The following FOXJ3 variants were observed in gnomAD, a reference collection of about 807,000 sequenced individuals.
FOXJ3 encodes forkhead box protein J3.
Under a neutral mutation model 76.1 loss-of-function variants are expected in FOXJ3, and 22 were observed. That is an observed-to-expected ratio of 0.29 (90% CI 0.21 to 0.41). The LOEUF (loss-of-function observed/expected upper bound fraction) is 0.41. Among genes scored for constraint, FOXJ3 ranks in the 10% least tolerant of loss-of-function variants. FOXJ3 has a pLI of 1.00. For missense variants in FOXJ3, 613 were observed against 762.1 expected (o/e 0.80, Z 2.30); for synonymous variants, 269 against 261.2 (o/e 1.03, Z -0.29).
intron 2 of FOXJ3, among the ~76,000 whole-genome samples, chr1:42,288,894 T>G (rs966308922): frequency 1.3e-5 from 2 of 152,188 alleles, no homozygotes; most frequent in African/African-American, 4.8e-5. Context: ...ATACAGTTAC[T>G]TTACATAAAA....
At chr1:42,241,008 A>C (rs1446833919) in intron 4 of FOXJ3, among the ~76,000 whole-genome samples, 1 of 152,220 alleles carries the variant, frequency 6.6e-6, no homozygotes, top group African/African-American at 2.4e-5. Flanking sequence ...AATTTAACAA[A>C]GAAGTAACAG....
chr1:42,230,960 G>C (rs1648040352), intron 4 of FOXJ3, among the ~76,000 whole-genome samples: 1 of 152,092 alleles, frequency 6.6e-6, no homozygotes, highest in Non-Finnish European at 1.5e-5. Flanking sequence ...TGCATTGAAG[G>C]ATAAATGGAT....
At chr1:42,195,251 G>A (rs1053999921) in intron 7 of FOXJ3, among the ~76,000 whole-genome samples, 187 bp from the exon 8 acceptor site, 1 of 152,154 alleles carries the variant, frequency 6.6e-6, no homozygotes, top group Non-Finnish European at 1.5e-5. Context: ...ACTGAATCTT[G>A]AAGAACTGTA....
rs150400569 is a variant in FOXJ3 at position 42,220,213 on chromosome 1, C to T, written c.528+7670G>A. On this transcript the variant is annotated intron_variant, in intron 5 of 12. Coordinates refer to ENST00000361346, the MANE Select transcript of FOXJ3 (RefSeq NM_014947.5). ...TTTAACTCTGAATATGGAACTTAGG[C>T]ACACTAAGCAGTGACCAGGAAGAGA... Among the ~76,000 whole-genome samples, 494 of 152,234 alleles carry T rather than the reference C, an allele frequency of 3.2e-3. 4 individuals are homozygous for T. Among genetic ancestry groups the T allele is most frequent in the African/African-American group, 0.011 (468 of 41,532 alleles).
At chr1:42,193,163 G>A (rs77542733) in intron 8 of FOXJ3, among the ~76,000 whole-genome samples, 1 of 148,000 alleles carries the variant, frequency 6.8e-6, no homozygotes, top group African/African-American at 2.5e-5. Flanking sequence ...TTTTTTTTTT[G>A]AAGCTGGGGA....
intron 2 of FOXJ3, among the ~76,000 whole-genome samples, chr1:42,291,071 T>TAGACAGACAGAC (rs1393418289): frequency 0.032 from 2,804 of 87,112 alleles, 56 homozygotes; most frequent in Middle Eastern, 0.078. Context: ...GATAGATAGA[T>TAGACAGACAGAC]AGATAGATAG....
chr1:42,294,468 T>C (rs1019802009), intron 2 of FOXJ3, among the ~76,000 whole-genome samples: 4 of 152,102 alleles, frequency 2.6e-5, no homozygotes, highest in Non-Finnish European at 5.9e-5. Flanking sequence ...AAAGAAGCCA[T>C]GAACTTGAGG....
At chr1:42,204,260 T>C (rs1187067360) in intron 6 of FOXJ3, among the ~76,000 whole-genome samples, 1 of 152,132 alleles carries the variant, frequency 6.6e-6, no homozygotes, top group East Asian at 1.9e-4. Flanking sequence ...TAGTTTCCAA[T>C]ACCTCCCTCT....
chr1:42,321,683 G>A lies in FOXJ3; in HGVS notation c.-17-10573C>T, dbSNP rs74857596. Among the ~76,000 whole-genome samples, 284 of 152,244 alleles carry A rather than the reference G, an allele frequency of 1.9e-3. 1 individual carries two copies. The highest frequency in any genetic ancestry group is 0.018 in the East Asian group (95 of 5,188). On this transcript the variant is annotated intron_variant, in intron 1 of 12. Transcript: ENST00000361346. Reference sequence around the variant, plus strand: ...AATGAAAATTCTACATAACATAAACGTGGGTTTTTTAAATAAAGTAAATAA... The same window carrying A: ...AATGAAAATTCTACATAACATAAACATGGGTTTTTTAAATAAAGTAAATAA...
intron 2 of FOXJ3, among the ~76,000 whole-genome samples, chr1:42,288,564 C>T (rs1296327062): frequency 2.0e-5 from 3 of 152,172 alleles, no homozygotes; most frequent in African/African-American, 4.8e-5. Flanking sequence ...GTATGATGTA[C>T]AGAAAATGCT....
chr1:42,215,920 G>T (rs963982987), intron 5 of FOXJ3, among the ~76,000 whole-genome samples: 1 of 152,176 alleles, frequency 6.6e-6, no homozygotes, highest in Non-Finnish European at 1.5e-5. Flanking sequence ...GGGAGGTTGA[G>T]ATGGGAGGAT....
chr1:42,267,882 A>C (rs1355457601), intron 3 of FOXJ3, among the ~76,000 whole-genome samples: 1 of 152,136 alleles, frequency 6.6e-6, no homozygotes, highest in African/African-American at 2.4e-5. Flanking sequence ...AACTAGGGAA[A>C]GGCTCAGAGA....
intron 6 of FOXJ3, among the ~76,000 whole-genome samples, chr1:42,205,429 A>G (rs994521587): frequency 1.3e-5 from 2 of 152,128 alleles, no homozygotes; most frequent in Non-Finnish European, 2.9e-5. Context: ...TTTCAACCAC[A>G]TATCTGGAGA....
chr1:42,213,247 A>G (rs1647001936), intron 5 of FOXJ3, among the ~76,000 whole-genome samples: 2 of 152,160 alleles, frequency 1.3e-5, no homozygotes, highest in African/African-American at 4.8e-5. Context: ...TTGAATGTAC[A>G]TGGTCTAAAT....
Position 42,213,746 on chromosome 1 carries a change from T to TA in FOXJ3, c.529-7884dup, listed in dbSNP as rs113780152. Among the ~76,000 whole-genome samples the TA allele has an allele frequency of 3.3e-3, 500 of 151,994 alleles. 2 individuals carry two copies. Among genetic ancestry groups the TA allele is most frequent in the African/African-American group, 0.012 (487 of 41,460 alleles). ...TATAATTTCACTTACATGTGGATTCTAAAAAAAACCCCAAACTCATAAAAG... is the reference window on the plus strand; with the variant it reads ...TATAATTTCACTTACATGTGGATTCTAAAAAAAAACCCCAAACTCATAAAAG... On this transcript the variant is annotated intron_variant, in intron 5 of 12. Transcript: ENST00000361346.
intron 12 of FOXJ3, 95 bp from the exon 13 acceptor site, chr1:42,179,920 C>T: frequency 1.3e-6 from 1 of 741,216 alleles, no homozygotes; most frequent in Non-Finnish European, 2.4e-6. Context: ...ATGCCAGGCA[C>T]ACATTATCTC....
chr1:42,244,082 A>G (rs1217061642), intron 4 of FOXJ3, among the ~76,000 whole-genome samples: 1 of 152,220 alleles, frequency 6.6e-6, no homozygotes, highest in Non-Finnish European at 1.5e-5. Flanking sequence ...TTGGCTCAAT[A>G]AAGAAATTAA....
At chr1:42,305,417 G>A (rs548282707) in intron 2 of FOXJ3, among the ~76,000 whole-genome samples, 5 of 152,170 alleles carry the variant, frequency 3.3e-5, no homozygotes, top group African/African-American at 1.2e-4. Flanking sequence ...CCAAAAGAAG[G>A]CAAATCAGTA....
chr1:42,220,904 C>T (rs182684468), intron 5 of FOXJ3, among the ~76,000 whole-genome samples: 7 of 152,212 alleles, frequency 4.6e-5, no homozygotes, highest in African/African-American at 1.4e-4. Flanking sequence ...GGAAAGTCTC[C>T]TAGGATAGAT....
Sources: allele counts gnomAD v4.1 joint callset (sites outside exome capture counted in the v4.1 genomes callset), GRCh38; gene constraint gnomAD v4.1.1; transcripts MANE v1.5; gene names NCBI Gene and HGNC (gene_info 2026-07-23, HGNC 2026-07-21).